Variants in DDX60L observed in about 807,000 individuals in gnomAD.
DDX60L encodes the protein DExD/H-box 60 like, also known as probable ATP-dependent RNA helicase DDX60-like.
In DDX60L, 191 loss-of-function variants were observed where a neutral mutation model predicts 211.6. The observed-to-expected ratio is 0.90, with a 90% CI of 0.80 to 1.02. The LOEUF (loss-of-function observed/expected upper bound fraction) is 1.02. Among genes scored for constraint, DDX60L ranks in the 50% least tolerant of loss-of-function variants. The pLI is 0.00. For synonymous variants in DDX60L, 706 were observed against 694.1 expected (o/e 1.02, Z -0.27); for missense variants, 2,007 against 1,984.1 (o/e 1.01, Z -0.22).
At chr4:168,476,139 C>CA (rs1343839595) in intron 1 of DDX60L, 1 of 151,552 alleles carries the variant, frequency 6.6e-6, no homozygotes, top group African/African-American at 2.4e-5. Context: ...GAAGATAAAT[C>CA]AAAAAATAAA....
intron 14 of DDX60L, among the ~76,000 whole-genome samples, chr4:168,424,881 T>A (rs1427841263): frequency 6.6e-6 from 1 of 152,234 alleles, no homozygotes; most frequent in Non-Finnish European, 1.5e-5. Flanking sequence ...GCGGTTTTGT[T>A]ACTAAGTTTG....
At chr4:168,457,767 T>C in intron 6 of DDX60L, 125 bp downstream of exon 6, 1 of 486,910 alleles carries the variant, frequency 2.1e-6, no homozygotes, top group Non-Finnish European at 3.7e-6. Flanking sequence ...ATTCAGATAG[T>C]ATACATGTAC....
At chr4:168,371,863 T>C (rs376688065) in intron 35 of DDX60L, 100 bp from the exon 36 acceptor site, 3 of 1,198,986 alleles carry the variant, frequency 2.5e-6, no homozygotes, top group African/African-American at 3.0e-5. Context: ...TTAAAGTACG[T>C]TCTGAAGAAG....
chr4:168,387,328 G>A (rs1441632909), intron 29 of DDX60L, among the ~76,000 whole-genome samples: 1 of 152,208 alleles, frequency 6.6e-6, no homozygotes, highest in Non-Finnish European at 1.5e-5. Flanking sequence ...AACATCTGAT[G>A]GAAACTTCTG....
At chr4:168,375,553 C>A in intron 33 of DDX60L, 29 bp from the exon 34 acceptor site, 1 of 1,554,832 alleles carries the variant, frequency 6.4e-7, no homozygotes, top group Non-Finnish European at 8.7e-7. Flanking sequence ...TCAGAAAGAT[C>A]TCTTTACTTT....
chr4:168,479,521 C>A (rs973660300), intron 1 of DDX60L, among the ~76,000 whole-genome samples: 1 of 152,120 alleles, frequency 6.6e-6, no homozygotes, highest in African/African-American at 2.4e-5. Context: ...ATCCTTAAGG[C>A]CCCATCACGG....
At position 168,384,596 on chromosome 4, in the gene DDX60L, G is replaced by C. The variant is rs773588278; in HGVS notation, c.4116+16C>G. The C allele has an allele frequency of 3.3e-5, 54 of 1,613,480 alleles. 1 individual carries two copies. The South Asian group carries it at 5.9e-4, about 18-fold the overall frequency. On this transcript the variant is annotated intron_variant, in intron 30 of 37. Transcript: ENST00000682922. ...AGTGATGAAGACTGAACCTCAGGCA[G>C]TGTCCAGCACGGTACCTTTGCCTTG...
intron 10 of DDX60L, among the ~76,000 whole-genome samples, chr4:168,434,851 C>A (rs1752828204): frequency 6.6e-6 from 1 of 152,082 alleles, no homozygotes; most frequent in South Asian, 2.1e-4. Context: ...AAACTTAAGC[C>A]CTGTTACAGA....
At chr4:168,401,212 C>T (rs962202137) in intron 25 of DDX60L, among the ~76,000 whole-genome samples, 1 of 152,194 alleles carries the variant, frequency 6.6e-6, no homozygotes, top group Non-Finnish European at 1.5e-5. Context: ...TGATAAGAAA[C>T]ATTTACAGTC....
At chr4:168,421,250 A>C (rs1750553862) in intron 17 of DDX60L, among the ~76,000 whole-genome samples, 1 of 152,232 alleles carries the variant, frequency 6.6e-6, no homozygotes, top group Non-Finnish European at 1.5e-5. Flanking sequence ...TAATCCTTAA[A>C]AATACTATAG....
intron 36 of DDX60L, among the ~76,000 whole-genome samples, chr4:168,370,238 C>G (rs1487520460): frequency 6.6e-6 from 1 of 151,856 alleles, no homozygotes; most frequent in Non-Finnish European, 1.5e-5. Context: ...ACTATTCAGC[C>G]ATAAAAAGGA....
chr4:168,460,316 T>C (rs908396254), intron 5 of DDX60L, among the ~76,000 whole-genome samples: 2 of 152,264 alleles, frequency 1.3e-5, no homozygotes, highest in Non-Finnish European at 2.9e-5. Context: ...TTGAAAATTC[T>C]TCAGACTTCA....
intron 4 of DDX60L, 140 bp from the exon 5 acceptor site, chr4:168,462,180 C>T (rs1428690573): frequency 1.6e-6 from 1 of 637,596 alleles, no homozygotes; most frequent in Non-Finnish European, 2.7e-6. Context: ...TTAAACTTGA[C>T]TCCTTTCACA....
rs374009773 is a variant in DDX60L at position 168,384,769 on chromosome 4, T to A, written c.3959A>T (p.Asn1320Ile). Reference protein sequence around the residue: ...AGRRGQDLLGNVYFFDIPLPK... With the variant: ...AGRRGQDLLGIVYFFDIPLPK... ...CAATGGGATATCAAAGAAATACACATTTCCAAGCAGGTCTTGACCTCTTCT... is the reference window on the plus strand; with the variant it reads ...CAATGGGATATCAAAGAAATACACAATTCCAAGCAGGTCTTGACCTCTTCT... The change falls in exon 30 of 38, where the codon AAT becomes ATT. Residue 1320 changes from asparagine (N) to isoleucine (I), a missense_variant. Asn to Ile is a moderately radical substitution (Grantham distance 149). Transcript: ENST00000682922. The A allele has an allele frequency of 1.9e-6, 3 of 1,613,630 alleles. No individual in the cohort carries two copies. The highest frequency in any genetic ancestry group is 2.5e-6 in the Non-Finnish European group (3 of 1,179,800).
rs752600453 is a variant in DDX60L, at chr4:168,422,652, T to C, written c.2116A>G (p.Lys706Glu). ...DPTLIGDDKN[K>E]KKYSIDIGPA... is the part of the protein sequence containing the mutation. ...CCAATGTCAATCGAATATTTCTTCTTATTTTTGTCATCTCCTATCTGTTAT... is the reference window on the plus strand; with the variant it reads ...CCAATGTCAATCGAATATTTCTTCTCATTTTTGTCATCTCCTATCTGTTAT... The change falls in exon 16 of 38, where the codon AAG (lysine) becomes GAG (glutamate). Residue 706 changes from lysine (K) to glutamate (E), a missense_variant. By Grantham distance (56) the Lys-to-Glu change is moderately conservative. Transcript: ENST00000682922. 1 of 1,603,184 alleles carries C rather than the reference T, an allele frequency of 6.2e-7. No homozygotes were observed. Among genetic ancestry groups the C allele is most frequent in the Non-Finnish European group, 8.5e-7 (1 of 1,173,784 alleles).
At chr4:168,453,310 G>C (rs769866815) in intron 7 of DDX60L, 28 bp from the exon 8 acceptor site, 2 of 1,580,884 alleles carry the variant, frequency 1.3e-6, no homozygotes, top group East Asian at 4.6e-5. Context: ...GATGAGAACA[G>C]TCACAATGTC....
chr4:168,427,395 T>G, intron 13 of DDX60L, 73 bp from the exon 14 acceptor site: 7 of 1,511,318 alleles, frequency 4.6e-6, no homozygotes, highest in Middle Eastern at 2.0e-4. Context: ...GTGAGATTAT[T>G]TTTTGTGCAC....
At chr4:168,440,684 C>A (rs750938543) in intron 10 of DDX60L, among the ~76,000 whole-genome samples, 3 of 152,168 alleles carry the variant, frequency 2.0e-5, no homozygotes, top group Non-Finnish European at 4.4e-5. Context: ...GAGAGGTCAA[C>A]CTTTCCAGAC....
At position 168,441,487 on chromosome 4, in the gene DDX60L, G is replaced by A. The variant is rs771687085; in HGVS notation, c.1144C>T (p.His382Tyr). ...CTAATGGAATCTCCCAAATTCAAAT[G>A]TGGTTCTGCATAACAATAAAAAATA... ...YYEFESTQEP[H>Y]LNLGDSIRRD... The change falls in exon 10 of 38, where the codon CAT (histidine) becomes TAT (tyrosine). Residue 382 changes from histidine to tyrosine, a missense_variant. Physicochemically the swap from His to Tyr is moderately conservative, Grantham distance 83 (BLOSUM62 2). Coordinates refer to ENST00000682922, the MANE Select transcript of DDX60L (RefSeq NM_001012967.3). The A allele has an allele frequency of 3.0e-5, 48 of 1,597,342 alleles. No individual in the cohort carries two copies. Among genetic ancestry groups the A allele is most frequent in the Admixed American group, 5.3e-5 (3 of 56,674 alleles).
Sources: gnomAD v4.1 joint callset for allele counts (sites outside exome capture counted in the v4.1 genomes callset) on GRCh38, gnomAD v4.1.1 for gene constraint, MANE v1.5 for transcripts, NCBI Gene and HGNC (gene_info 2026-07-23, HGNC 2026-07-21) for gene names.